Variants in USP32 observed in about 807,000 individuals in gnomAD.
USP32 encodes ubiquitin carboxyl-terminal hydrolase 32.
USP32 carries 59 observed loss-of-function variants against 204.8 expected under a neutral mutation model. That is an observed-to-expected ratio of 0.29 (90% CI 0.23 to 0.36). USP32 has a LOEUF of 0.36. Ranked by LOEUF, USP32 falls within the 10% of genes least tolerant of loss-of-function variation. USP32 has a pLI of 1.00. For missense variants in USP32, 1,160 were observed against 1,946.4 expected (o/e 0.60, Z 7.60); for synonymous variants, 517 against 678.4 (o/e 0.76, Z 3.70).
chr17:60,312,413 T>TGTTGTTGTTGTTGTCGTTGTC (rs1356402020), intron 2 of USP32, among the ~76,000 whole-genome samples: 1 of 152,062 alleles, frequency 6.6e-6, no homozygotes, highest in Non-Finnish European at 1.5e-5. Context: ...TTCCATTTGT[T>TGTTGTTGTTGTTGTCGTTGTC]GTTGTTGTTG....
intron 1 of USP32, among the ~76,000 whole-genome samples, chr17:60,360,751 T>G (rs745483703): frequency 2.6e-5 from 4 of 152,170 alleles, no homozygotes; most frequent in Admixed American, 6.6e-5. Flanking sequence ...AAAATGTGGT[T>G]GTTGTGCTGG....
At chr17:60,228,501 CTTTTTTTT>C (rs1018176786) in intron 12 of USP32, among the ~76,000 whole-genome samples, 1 of 104,120 alleles carries the variant, frequency 9.6e-6, no homozygotes, top group African/African-American at 5.1e-5. Flanking sequence ...TTTTCTTTTT[CTTTTTTTT>C]TTTTTTTTTA....
intron 1 of USP32, among the ~76,000 whole-genome samples, chr17:60,374,304 A>G (rs1350079111): frequency 1.3e-5 from 2 of 152,196 alleles, no homozygotes; most frequent in East Asian, 1.9e-4. Flanking sequence ...CTTCAGGGCA[A>G]TAACACACAT....
intron 1 of USP32, among the ~76,000 whole-genome samples, chr17:60,374,184 CA>C (rs549886995): frequency 1.3e-4 from 18 of 141,150 alleles, no homozygotes; most frequent in Non-Finnish European, 1.1e-4. Context: ...ACTCTGTCTC[CA>C]AAAAAAAAAG....
At chr17:60,307,430 A>G (rs181668250) in intron 2 of USP32, among the ~76,000 whole-genome samples, 17 of 152,272 alleles carry the variant, frequency 1.1e-4, no homozygotes, top group African/African-American at 3.8e-4. Context: ...TGACAATACT[A>G]TCCACAGCAA....
chr17:60,232,203 C>G (rs1315444318), intron 12 of USP32, among the ~76,000 whole-genome samples: 12 of 123,504 alleles, frequency 9.7e-5, no homozygotes, highest in African/African-American at 3.8e-4. Flanking sequence ...GATGGAGTCT[C>G]ACTCTGTCAT....
intron 1 of USP32, among the ~76,000 whole-genome samples, chr17:60,415,524 T>G (rs1401475231): frequency 6.6e-6 from 1 of 152,206 alleles, no homozygotes; most frequent in Non-Finnish European, 1.5e-5. Flanking sequence ...TCTTTGGGGC[T>G]AGACCTCTTT....
chr17:60,276,946 C>CATAT (rs35211470), intron 5 of USP32, among the ~76,000 whole-genome samples: 9,740 of 140,682 alleles, frequency 0.069, 816 homozygotes, highest in African/African-American at 0.21. Flanking sequence ...ATTACATATA[C>CATAT]ATATATATAT....
chr17:60,400,835 A>G (rs974403511), intron 1 of USP32, among the ~76,000 whole-genome samples: 1 of 152,154 alleles, frequency 6.6e-6, no homozygotes, highest in Non-Finnish European at 1.5e-5. Flanking sequence ...AGCCTAGGCA[A>G]CATTGGTAGA....
At chr17:60,251,962 T>G (rs1004719077) in intron 11 of USP32, among the ~76,000 whole-genome samples, 7 of 152,050 alleles carry the variant, frequency 4.6e-5, no homozygotes, top group African/African-American at 1.7e-4. Flanking sequence ...CATTTTTATA[T>G]GAATTTTACA....
rs113546748 is a variant in USP32, at chr17:60,419,817, AATTATTATTATTATTATT to A, written c.106+2411_106+2428del. ...AAACCTGCAACTCAAGGTTAAAAAA[AATTATTATTATTATTATT>A]ATTATTATTATTATTATTATTATTA... On this transcript the variant is annotated intron_variant, in intron 1 of 3. Coordinates refer to the USP32 transcript ENST00000588898. Among the ~76,000 whole-genome samples, 766 of 138,660 alleles carry A rather than the reference AATTATTATTATTATTATT, an allele frequency of 5.5e-3. 9 individuals are homozygous for A. Among genetic ancestry groups the A allele is most frequent in the Non-Finnish European group, 8.6e-3 (560 of 64,816 alleles). The allele number at this position is 138,660 out of a possible 152,430, so 91.0% of individuals were successfully genotyped here. A position where few individuals can be genotyped will look rare whatever the true frequency, so the allele number is the denominator to read the frequency against.
At chr17:60,394,754 A>AT (rs1389767071), upstream of USP32, among the ~76,000 whole-genome samples, 2 of 151,570 alleles carry the variant, frequency 1.3e-5, no homozygotes, top group South Asian at 2.1e-4. Flanking sequence ...TTATTTATTT[A>AT]TTTTTTTGAG....
intron 1 of USP32, among the ~76,000 whole-genome samples, chr17:60,349,925 T>C (rs752581771): frequency 2.7e-5 from 4 of 150,916 alleles, no homozygotes; most frequent in Non-Finnish European, 5.9e-5. Context: ...ATGTTGAAAA[T>C]TTTGAAAATA....
intron 3 of USP32, among the ~76,000 whole-genome samples, chr17:60,301,276 T>G (rs1350485277): frequency 6.6e-6 from 1 of 152,244 alleles, no homozygotes; most frequent in Non-Finnish European, 1.5e-5. Flanking sequence ...GCCACCAGGC[T>G]GGTTTCCAAA....
chr17:60,208,528 G>C, intron 23 of USP32, 126 bp downstream of exon 23: 1 of 1,327,394 alleles, frequency 7.5e-7, no homozygotes, highest in Non-Finnish European at 9.7e-7. Flanking sequence ...AAATTAGGTT[G>C]CTCAATTATA....
At chr17:60,397,820 C>A (rs1474336254) in intron 1 of USP32, among the ~76,000 whole-genome samples, 1 of 152,032 alleles carries the variant, frequency 6.6e-6, no homozygotes, top group Non-Finnish European at 1.5e-5. Context: ...ATGGGCCTGC[C>A]TACGTATAGG....
intron 1 of USP32, among the ~76,000 whole-genome samples, chr17:60,401,727 A>G (rs1426799599): frequency 6.9e-6 from 1 of 143,896 alleles, no homozygotes; most frequent in Non-Finnish European, 1.5e-5. Flanking sequence ...TAAAAAAAAG[A>G]AAAAAAAAAA....
At chr17:60,273,875 G>A (rs2086778770) in intron 5 of USP32, among the ~76,000 whole-genome samples, 1 of 146,786 alleles carries the variant, frequency 6.8e-6, no homozygotes, top group Non-Finnish European at 1.5e-5. Flanking sequence ...CAGGACAATC[G>A]CTTGAACCTA....
chr17:60,374,399 GTT>G (rs1257100336), intron 1 of USP32, among the ~76,000 whole-genome samples: 2 of 141,532 alleles, frequency 1.4e-5, no homozygotes. Flanking sequence ...GTTAAGTTTT[GTT>G]TTTTTTTTTT....
Sources: allele counts gnomAD v4.1 joint callset (sites outside exome capture counted in the v4.1 genomes callset), GRCh38; gene constraint gnomAD v4.1.1; transcripts MANE v1.5; gene names NCBI Gene and HGNC (gene_info 2026-07-23, HGNC 2026-07-21).